Variants in RIPK3 observed in about 807,000 individuals in gnomAD.
RIPK3 encodes the protein receptor interacting serine/threonine kinase 3, also known as receptor-interacting serine/threonine-protein kinase 3.
Under a neutral mutation model 51.6 loss-of-function variants are expected in RIPK3, and 51 were observed. The ratio of observed to expected loss-of-function variants is 0.99; its 90% CI spans 0.79 to 1.25. RIPK3 has a LOEUF of 1.25. Among genes scored for constraint, RIPK3 ranks in the 50% most tolerant of loss-of-function variants. RIPK3 has a pLI of 0.00. For missense variants in RIPK3, 654 were observed against 650.4 expected, an observed-to-expected ratio of 1.01 and a Z score of -0.06; for synonymous variants, 246 against 257.7, an observed-to-expected ratio of 0.95 and a Z score of 0.44.
At position 24,337,349 on chromosome 14, in the gene RIPK3, G is replaced by A. The variant is rs879051981; in HGVS notation, c.1012C>T (p.His338Tyr). ...GAAACCATGACATCATTACGAGAGT[G>A]CTGGTTTTCTATGGTTCTCCTAAAG... ...DGFRRTIENQ[H>Y]SRNDVMVSEW... The change falls in exon 8 of 10, where the codon CAC becomes TAC. Residue 338 changes from histidine (H) to tyrosine (Y), a missense_variant. Coordinates refer to ENST00000216274, the MANE Select transcript of RIPK3 (RefSeq NM_006871.4). 2 of 1,614,032 alleles carry A rather than the reference G, an allele frequency of 1.2e-6. No homozygotes were observed. The highest frequency in any genetic ancestry group is 1.1e-5 in the South Asian group (1 of 91,082).
rs753939778 is a variant in RIPK3, at chr14:24,339,177, C to A, written c.309G>T (p.Ser103=). 1 of 1,614,262 alleles carries A rather than the reference C, an allele frequency of 6.2e-7. No individual in the cohort carries two copies. The highest frequency in any genetic ancestry group is 1.1e-5 in the South Asian group (1 of 91,086). The change falls in exon 3 of 10, where the codon TCG becomes TCT. Residue 103 remains serine, a synonymous_variant. Coordinates refer to ENST00000216274, the MANE Select transcript of RIPK3 (RefSeq NM_006871.4). The surrounding 1 kb of genome is among the most constrained non-coding windows in gnomAD (Gnocchi z 4.0). Reference sequence around the variant, plus strand: ...GAGGGCACTGGGACTGCAGCAGCCCCGACAAGGAGCCGTTCTCCATGAATT... The same window carrying A: ...GAGGGCACTGGGACTGCAGCAGCCCAGACAAGGAGCCGTTCTCCATGAATT... ...VTKFMENGSL[S]GLLQSQCPRP... is the part of the protein sequence containing the mutation.
chr14:24,339,133 C>CAAAGG lies in RIPK3; in HGVS notation c.348_352dup (p.Cys118SerfsTer6). ...AAGCACCACTTCTTTCAGCAGGCGG[C>CAAAGG]AAAGGAGCGGCCAGGGCCGAGGGCA... On this transcript the variant is annotated frameshift_variant, in exon 3 of 10. Transcript: ENST00000216274. LOFTEE classifies it high-confidence loss of function. This position sits in a 1 kb window ranked among gnomAD's most constrained non-coding sequence, Gnocchi z 4.0. 6.2e-7 allele frequency: 1 copy of CAAAGG among 1,614,232 alleles called. No homozygotes were observed. The highest frequency in any genetic ancestry group is 8.5e-7 in the Non-Finnish European group (1 of 1,180,040).
At position 24,339,218 on chromosome 14, in the gene RIPK3, G is replaced by T. The variant is rs762555999; in HGVS notation, c.268C>A (p.Pro90Thr). ...EKVNWDQDPKPALVTKFMENG... is the reference protein window; with the variant it reads ...EKVNWDQDPKTALVTKFMENG... Reference sequence around the variant, plus strand: ...TCCATGAATTTAGTCACCAGAGCCGGCTTGGGATCTTGGTCCCAGTTCACC... The same window carrying T: ...TCCATGAATTTAGTCACCAGAGCCGTCTTGGGATCTTGGTCCCAGTTCACC... Residue 90 changes from proline (P) to threonine (T), a missense_variant, in exon 3 of 10, where the codon CCG becomes ACG. By Grantham distance (38) the Pro-to-Thr change is conservative. Transcript: ENST00000216274. This position sits in a 1 kb window ranked among gnomAD's most constrained non-coding sequence, Gnocchi z 4.0. 9 of 1,614,240 alleles carry T rather than the reference G, an allele frequency of 5.6e-6. No homozygotes were observed. In the South Asian group the frequency reaches 9.9e-5, roughly 18 times the overall value.
rs536421008 is a variant in RIPK3, at chr14:24,339,596, G to C, written c.22C>G (p.Pro8Ala). The C allele has an allele frequency of 6.2e-7, 1 of 1,613,976 alleles. No homozygotes were observed. The highest frequency in any genetic ancestry group is 8.5e-7 in the Non-Finnish European group (1 of 1,179,986). The change falls in exon 2 of 10, where the codon CCC (proline) becomes GCC (alanine). Residue 8 changes from proline (P) to alanine (A), a missense_variant and splice_region_variant. Coordinates refer to ENST00000216274, the MANE Select transcript of RIPK3 (RefSeq NM_006871.4). This position sits in a 1 kb window ranked among gnomAD's most constrained non-coding sequence, Gnocchi z 4.0. Reference protein sequence around the residue: MSCVKLWPSGAPAPLVSI... With the variant: MSCVKLWASGAPAPLVSI... ...ACCAAGGGGGCGGGGGCACCGCTGG[G>C]CCTGAGAGAGGGGTGTCGCCCACTA... is the stretch of plus-strand genomic sequence containing the variant.
rs772028370 is a variant in RIPK3 at position 24,337,708 on chromosome 14, G to A, written c.887C>T (p.Ala296Val). The A allele has an allele frequency of 5.0e-6, 8 of 1,611,534 alleles. No individual in the cohort carries two copies. The South Asian group carries it at 8.8e-5, about 18-fold the overall frequency. ...GTTGGCACTCACCGTGGAGACAGCA[G>A]CATTCATATTGTTCTCCACCATCTG... ...VFQMVENNMN[A>V]AVSTVKDFLS... The change falls in exon 7 of 10, where the codon GCT becomes GTT. Residue 296 changes from alanine (A) to valine (V), a missense_variant. Physicochemically the swap from Ala to Val is moderately conservative, Grantham distance 64. Coordinates refer to ENST00000216274, the MANE Select transcript of RIPK3 (RefSeq NM_006871.4).
Position 24,339,351 on chromosome 14 carries a change from G to C in RIPK3, c.162-27C>G, listed in dbSNP as rs762020954. On this transcript the variant is annotated intron_variant, in intron 2 of 9. Coordinates refer to ENST00000216274, the MANE Select transcript of RIPK3 (RefSeq NM_006871.4). The surrounding 1 kb of genome is among the most constrained non-coding windows in gnomAD (Gnocchi z 4.0). ...TACACTCCAGGAGAGAGCTGGAGTC[G>C]CACCGGGGTCGTGGGAAAATCCCTC... is the stretch of plus-strand genomic sequence containing the variant. 2 of 1,606,772 alleles carry C rather than the reference G, an allele frequency of 1.2e-6. No homozygotes were observed. Among genetic ancestry groups the C allele is most frequent in the Non-Finnish European group, 1.7e-6 (2 of 1,174,880 alleles).
chr14:24,339,957 G>A lies in RIPK3; in HGVS notation c.-131C>T, dbSNP rs184653551. On this transcript the variant is annotated 5_prime_UTR_variant, in exon 1 of 10. Coordinates refer to ENST00000216274, the MANE Select transcript of RIPK3 (RefSeq NM_006871.4). This position sits in a 1 kb window ranked among gnomAD's most constrained non-coding sequence, Gnocchi z 4.0. Reference sequence around the variant, plus strand: ...CAGGGGTCAGTCTCTAGACCAAGACGGTGAGTCTACTTTCCGGGTTGTTAC... The same window carrying A: ...CAGGGGTCAGTCTCTAGACCAAGACAGTGAGTCTACTTTCCGGGTTGTTAC... The A allele has an allele frequency of 3.2e-6, 3 of 942,838 alleles. No individual in the cohort carries two copies. Among genetic ancestry groups the A allele is most frequent in the East Asian group, 5.5e-5 (2 of 36,260 alleles). 58.4% of individuals were successfully genotyped at this position (942,838 alleles called of 1,614,324 possible).
Position 24,339,633 on chromosome 14 carries a change from C to A in RIPK3, c.21-36G>T, listed in dbSNP as rs761808877. 2.5e-6 allele frequency: 4 copies of A among 1,612,536 alleles called. No individual in the cohort carries two copies. The highest frequency in any genetic ancestry group is 3.3e-5 in the Admixed American group (2 of 59,930). On this transcript the variant is annotated intron_variant, in intron 1 of 9. Transcript: ENST00000216274. The surrounding 1 kb of genome is among the most constrained non-coding windows in gnomAD (Gnocchi z 4.0). ...GGTGTCGCCCACTAGCCGGCCGTGC[C>A]GTGCCTCAGCGCTGCTCCCCGCGCC...
At position 24,339,282 on chromosome 14, in the gene RIPK3, A is replaced by G; in HGVS notation, c.204T>C (p.Asp68=). 6.2e-7 allele frequency: 1 copy of G among 1,613,740 alleles called. No homozygotes were observed. The highest frequency in any genetic ancestry group is 8.5e-7 in the Non-Finnish European group (1 of 1,179,674). ...CTTCTAGGCGCAGCACGAATTCGTT[A>G]TCCAGACTTGCCATGGCCTTGACCT... ...SREVKAMASL[D]NEFVLRLEGV... Residue 68 remains aspartate (D), a synonymous_variant, in exon 3 of 10, where the codon GAT becomes GAC. Coordinates refer to ENST00000216274, the MANE Select transcript of RIPK3 (RefSeq NM_006871.4). The surrounding 1 kb of genome is among the most constrained non-coding windows in gnomAD (Gnocchi z 4.0).
In RIPK3 at chr14:24,336,143, C is replaced by T. The variant is rs531994642; in HGVS notation, c.*32G>A. 27 of 1,598,368 alleles carry T rather than the reference C, an allele frequency of 1.7e-5. No individual in the cohort carries two copies. The highest frequency in any genetic ancestry group is 4.5e-5 in the South Asian group (4 of 89,472). ...CAAGGGGTGGCACTCTTCCTTAACT[C>T]GTAACTCTTGGAGGCAAGCTTGGAA... On this transcript the variant is annotated 3_prime_UTR_variant, in exon 10 of 10. Transcript: ENST00000216274.
In RIPK3 at chr14:24,339,444, CG is replaced by C. The variant is rs542280266; in HGVS notation, c.161+12del. On this transcript the variant is annotated intron_variant, in intron 2 of 9. Coordinates refer to ENST00000216274, the MANE Select transcript of RIPK3 (RefSeq NM_006871.4). The surrounding 1 kb of genome is among the most constrained non-coding windows in gnomAD (Gnocchi z 4.0). Reference sequence around the variant, plus strand: ...TGGCCAGATTGCGGCTGGGGTCAACCGGGGTCACTCACGAGTTTACGATCTT... The same window carrying C: ...TGGCCAGATTGCGGCTGGGGTCAACCGGGTCACTCACGAGTTTACGATCTT... 1.2e-3 allele frequency: 1,927 copies of C among 1,614,166 alleles called. 4 individuals carry two copies. The highest frequency in any genetic ancestry group is 1.3e-3 in the Non-Finnish European group (1,522 of 1,180,006).
chr14:24,336,656 G>C, intron 9 of RIPK3: 1 of 668,432 alleles, frequency 1.5e-6, no homozygotes, highest in Non-Finnish European at 2.5e-6. Context: ...CACAGAGCTG[G>C]TGTTGTGGAA....
chr14:24,337,518 G>A, intron 7 of RIPK3, 58 bp from the exon 8 acceptor site: 1 of 1,611,390 alleles, frequency 6.2e-7, no homozygotes. Context: ...GTAAACCCAA[G>A]GGAGTAGTCT....
Position 24,336,085 on chromosome 14 carries a change from G to T in RIPK3, c.*90C>A. ...AGGTCACAAAGTCAGTTTGTGGGCA[G>T]GCCAGACTGCCCTAGAAGGAAGTCA... On this transcript the variant is annotated 3_prime_UTR_variant, in exon 10 of 10. Transcript: ENST00000216274. 7.3e-7 allele frequency: 1 copy of T among 1,366,858 alleles called. No individual in the cohort carries two copies. The allele number at this position is 1,366,858 out of a possible 1,614,324, so 84.7% of individuals were successfully genotyped here.
At position 24,338,491 on chromosome 14, in the gene RIPK3, A is replaced by G. The variant is rs761887925; in HGVS notation, c.548T>C (p.Leu183Pro). The change falls in exon 4 of 10, where the codon CTG becomes CCG. Residue 183 changes from leucine to proline, a missense_variant. By Grantham distance (98) the Leu-to-Pro change is moderately conservative. Coordinates refer to ENST00000216274, the MANE Select transcript of RIPK3 (RefSeq NM_006871.4). ...AAACAGTTCTGGGGCCAAGTAGCCC[A>G]GGGTGCCCCCTGGCTCCCCGGACCC... ...GTGSGEPGGT[L>P]GYLAPELFVN... The G allele has an allele frequency of 5.6e-6, 9 of 1,613,858 alleles. No individual in the cohort carries two copies. The highest frequency in any genetic ancestry group is 7.6e-6 in the Non-Finnish European group (9 of 1,179,768).
Position 24,339,642 on chromosome 14 carries a change from G to A in RIPK3, c.21-45C>T, listed in dbSNP as rs2042171024. Reference sequence around the variant, plus strand: ...CACTAGCCGGCCGTGCCGTGCCTCAGCGCTGCTCCCCGCGCCCCTGTGACT... The same window carrying A: ...CACTAGCCGGCCGTGCCGTGCCTCAACGCTGCTCCCCGCGCCCCTGTGACT... On this transcript the variant is annotated intron_variant, in intron 1 of 9. Transcript: ENST00000216274. This position sits in a 1 kb window ranked among gnomAD's most constrained non-coding sequence, Gnocchi z 4.0. The A allele has an allele frequency of 6.2e-7, 1 of 1,610,102 alleles. No individual in the cohort carries two copies. The highest frequency in any genetic ancestry group is 8.5e-7 in the Non-Finnish European group (1 of 1,177,238).
rs144353332 is a variant in RIPK3 at position 24,339,078 on chromosome 14, C to T, written c.408G>A (p.Pro136=). The T allele has an allele frequency of 1.9e-4, 303 of 1,614,096 alleles. 2 individuals carry two copies. In the African/African-American group the frequency reaches 2.9e-3, roughly 15 times the overall value. The change falls in exon 3 of 10, where the codon CCG becomes CCA. Residue 136 remains proline (P), a synonymous_variant. Transcript: ENST00000216274. This position sits in a 1 kb window ranked among gnomAD's most constrained non-coding sequence, Gnocchi z 4.0. ...LGMFYLHDQN[P]VLLHRDLKPS... is the part of the protein sequence containing the mutation. The stretch of plus-strand genomic sequence containing the variant: ...GCTTGAGGTCCCGGTGCAGGAGCAC[C>T]GGGTTCTGGTCGTGCAGGTAAAACA...
In RIPK3 at chr14:24,337,287, G is replaced by C. The variant is rs757266139; in HGVS notation, c.1074C>G (p.Pro358=). ...TCGGGCATTTTTTAGGAACAGAGCT[G>C]GGAGGCTCCTCTAGATTCAGTTTGT... ...WLNKLNLEEP[P]SSVPKKCPSL... Residue 358 remains proline, a synonymous_variant, in exon 8 of 10, where the codon CCC becomes CCG. Transcript: ENST00000216274. The C allele has an allele frequency of 5.6e-6, 9 of 1,613,932 alleles. No individual in the cohort carries two copies. The African/African-American group carries it at 8.0e-5, about 14-fold the overall frequency.
chr14:24,337,999 T>C lies in RIPK3; in HGVS notation c.706A>G (p.Arg236Gly). 3.1e-6 allele frequency: 5 copies of C among 1,614,192 alleles called. No homozygotes were observed. The highest frequency in any genetic ancestry group is 4.2e-6 in the Non-Finnish European group (5 of 1,180,046). The change falls in exon 6 of 10, where the codon AGG becomes GGG. Residue 236 changes from arginine (R) to glycine (G), a missense_variant. By Grantham distance (125) the Arg-to-Gly change is moderately radical. Transcript: ENST00000216274. Reference protein sequence around the residue: ...PSLVYEAVCNRQNRPSLAELP... With the variant: ...PSLVYEAVCNGQNRPSLAELP... ...TCAGCCAATGAAGGCCGGTTCTGCC[T>C]GTTGCACACTGCTTCGTACACGAGT...
Sources: allele counts gnomAD v4.1 joint callset, GRCh38; gene constraint gnomAD v4.1.1; non-coding constraint Gnocchi (gnomAD v3.1); transcripts MANE v1.5; gene names NCBI Gene and HGNC (gene_info 2026-07-23, HGNC 2026-07-21).